The following AKAP9 variants were observed in gnomAD, a reference collection of about 807,000 sequenced individuals.
AKAP9 encodes A-kinase anchoring protein 9.
In AKAP9, 311 loss-of-function variants were observed where a neutral mutation model predicts 488.5. The observed-to-expected ratio is 0.64, with a 90% CI of 0.58 to 0.70. The LOEUF (loss-of-function observed/expected upper bound fraction) is 0.70, where lower values mean the gene tolerates loss of function less well. AKAP9 is among the 30% of genes least tolerant of loss of function. AKAP9 has a pLI of 0.00. For missense variants in AKAP9, 4,215 were observed against 4,374.5 expected (o/e 0.96, Z 1.03); for synonymous variants, 1,462 against 1,483.5 (o/e 0.99, Z 0.33).
At chr7:91,979,552 A>G (rs892024545) in intron 2 of AKAP9, among the ~76,000 whole-genome samples, 1 of 152,192 alleles carries the variant, frequency 6.6e-6, no homozygotes, top group Non-Finnish European at 1.5e-5. Flanking sequence ...GGAGACCTGA[A>G]ACCACAGATA....
chr7:92,064,873 GGTGAGTTTTTTTCT>G (rs1810517236), intron 24 of AKAP9, among the ~76,000 whole-genome samples: 1 of 151,884 alleles, frequency 6.6e-6, no homozygotes, highest in Non-Finnish European at 1.5e-5. Context: ...TGAAGAAAAC[GGTGAGTTTTTTTCT>G]GTGCTTGAAT....
At chr7:92,089,111 A>G (rs971474290) in intron 37 of AKAP9, among the ~76,000 whole-genome samples, 1 of 152,142 alleles carries the variant, frequency 6.6e-6, no homozygotes, top group Non-Finnish European at 1.5e-5. Flanking sequence ...TATATCACAT[A>G]ATAGTATTGT....
chr7:91,944,263 G>A (rs1791148558), intron 1 of AKAP9, among the ~76,000 whole-genome samples: 1 of 152,000 alleles, frequency 6.6e-6, no homozygotes, highest in African/African-American at 2.4e-5. Flanking sequence ...CTGAAAAAAA[G>A]CACCAAGATG....
rs1817454789 is a variant in AKAP9, at chr7:92,101,132, A to G, written c.11097+76A>G. 6.9e-6 allele frequency: 10 copies of G among 1,448,288 alleles called. No homozygotes were observed. The Admixed American group carries it at 1.6e-4, about 23-fold the overall frequency. 89.7% of individuals were successfully genotyped at this position (1,448,288 alleles called of 1,614,324 possible). A position where few individuals can be genotyped will look rare whatever the true frequency, so the allele number is the denominator to read the frequency against. On this transcript the variant is annotated intron_variant, in intron 45 of 49. Transcript: ENST00000356239. ...TTCTTTCATCTCTCACTGACCTTAA[A>G]TAAACAGTCTAAAGAAATTTAGGGC...
At chr7:92,066,301 T>C (rs1441644403) in intron 25 of AKAP9, 126 bp from the exon 26 acceptor site, 1 of 1,191,404 alleles carries the variant, frequency 8.4e-7, no homozygotes, top group African/African-American at 1.5e-5. Flanking sequence ...TGATTTGGGA[T>C]GTTCCATGAT....
intron 20 of AKAP9, 58 bp from the exon 21 acceptor site, chr7:92,044,950 C>A: frequency 7.2e-7 from 1 of 1,395,908 alleles, no homozygotes; most frequent in Non-Finnish European, 1.0e-6. Context: ...TGGACATAAG[C>A]AAAGTGTTTG....
At chr7:92,061,473 A>C in intron 23 of AKAP9, 51 bp downstream of exon 23, 2 of 1,603,814 alleles carry the variant, frequency 1.2e-6, no homozygotes, top group Non-Finnish European at 1.7e-6. Context: ...CAGTCTTAAA[A>C]TAGAGATTTT....
chr7:92,107,168 G>T, intron 47 of AKAP9, 125 bp from the exon 48 acceptor site: 1 of 941,816 alleles, frequency 1.1e-6, no homozygotes, highest in South Asian at 1.8e-5. Context: ...AATAGAAAAT[G>T]ACTATAAATA....
At chr7:91,946,518 T>A (rs552148643) in intron 1 of AKAP9, among the ~76,000 whole-genome samples, 1 of 152,164 alleles carries the variant, frequency 6.6e-6, no homozygotes, top group South Asian at 2.1e-4. Context: ...ACTACAGATG[T>A]GCACCACCAC....
chr7:92,057,933 G>A (rs948232247), intron 22 of AKAP9: 1 of 225,460 alleles, frequency 4.4e-6, no homozygotes, highest in Non-Finnish European at 8.8e-6. Context: ...TTTTTTGAGG[G>A]GGCATCAAGA....
chr7:92,044,755 G>T (rs933787614), intron 20 of AKAP9, among the ~76,000 whole-genome samples: 1 of 151,518 alleles, frequency 6.6e-6, no homozygotes, highest in Non-Finnish European at 1.5e-5. Context: ...ATTAAATACC[G>T]TACATTTTAA....
chr7:92,076,447 T>C (rs573778622), intron 28 of AKAP9, among the ~76,000 whole-genome samples: 72 of 152,354 alleles, frequency 4.7e-4, no homozygotes, highest in Non-Finnish European at 7.3e-4. Flanking sequence ...GAGTTAGTCT[T>C]ATATGGTGGC....
chr7:92,055,589 C>T (rs1192469431), intron 22 of AKAP9, among the ~76,000 whole-genome samples: 2 of 152,028 alleles, frequency 1.3e-5, no homozygotes, highest in Non-Finnish European at 2.9e-5. Context: ...TAATAGCCTT[C>T]AAATATACAT....
chr7:92,049,168 GT>G (rs769432924), intron 21 of AKAP9, among the ~76,000 whole-genome samples: 31 of 152,160 alleles, frequency 2.0e-4, no homozygotes, highest in Non-Finnish European at 4.0e-4. Flanking sequence ...CATTTACTAT[GT>G]TTTAAGACAT....
chr7:92,083,085 C>T, intron 32 of AKAP9, 85 bp from the exon 33 acceptor site: 2 of 1,481,574 alleles, frequency 1.3e-6, no homozygotes, highest in Non-Finnish European at 1.8e-6. Context: ...TCATGAATTA[C>T]ATTCCTCCCA....
At chr7:92,010,149 T>TA (rs1185851834) in intron 8 of AKAP9, among the ~76,000 whole-genome samples, 3 of 152,052 alleles carry the variant, frequency 2.0e-5, no homozygotes, top group Admixed American at 1.3e-4. Flanking sequence ...GAGATAAAGA[T>TA]AAAGTTATAG....
At chr7:91,952,245 A>C (rs1792350316) in intron 1 of AKAP9, among the ~76,000 whole-genome samples, 1 of 152,234 alleles carries the variant, frequency 6.6e-6, no homozygotes. Flanking sequence ...TTAAGTATTC[A>C]GAGTGATCTA....
intron 3 of AKAP9, among the ~76,000 whole-genome samples, chr7:91,980,895 C>T (rs1332048922): frequency 6.6e-6 from 1 of 151,804 alleles, no homozygotes; most frequent in African/African-American, 2.4e-5. Flanking sequence ...TTTCTTTACT[C>T]CAGAATTTGA....
intron 37 of AKAP9, among the ~76,000 whole-genome samples, chr7:92,088,271 A>G (rs1470982766): frequency 6.6e-6 from 1 of 152,190 alleles, no homozygotes; most frequent in Non-Finnish European, 1.5e-5. Flanking sequence ...TTTTTGTCAA[A>G]TGAATATTCA....
Sources: allele counts gnomAD v4.1 joint callset (sites outside exome capture counted in the v4.1 genomes callset), GRCh38; gene constraint gnomAD v4.1.1; transcripts MANE v1.5; gene names NCBI Gene and HGNC (gene_info 2026-07-23, HGNC 2026-07-21).